Variants in INPP5F observed in about 807,000 individuals in gnomAD.
INPP5F encodes inositol polyphosphate-5-phosphatase F.
INPP5F carries 97 observed loss-of-function variants against 137.2 expected under a neutral mutation model. The observed-to-expected ratio is 0.71, with a 90% CI of 0.60 to 0.84. INPP5F has a LOEUF of 0.84. INPP5F is among the 40% of genes least tolerant of loss of function. The pLI is 0.00. For missense variants in INPP5F, 1,271 were observed against 1,371.9 expected (o/e 0.93, Z 1.16); for synonymous variants, 504 against 476.9 (o/e 1.06, Z -0.74).
At chr10:119,726,437 G>T in intron 1 of INPP5F, 78 bp downstream of exon 1, 1 of 847,752 alleles carries the variant, frequency 1.2e-6, no homozygotes, top group Non-Finnish European at 1.5e-6. Context: ...CCCCTCAGCC[G>T]GGCGGGAGGA....
intron 2 of INPP5F, among the ~76,000 whole-genome samples, chr10:119,772,706 A>C (rs1439976035): frequency 6.6e-6 from 1 of 151,932 alleles, no homozygotes; most frequent in Non-Finnish European, 1.5e-5. Flanking sequence ...TGGGAATTTA[A>C]CTTTTTTTTC....
At position 119,827,805 on chromosome 10, in the gene INPP5F, T is replaced by A. The variant is rs1490659423; in HGVS notation, c.*25T>A. ...GCTTTTAGCCATAAGAATCCTTCCA[T>A]GGCTTTTATTTAAAAATATGAAATT... On this transcript the variant is annotated 3_prime_UTR_variant, in exon 20 of 20. Coordinates refer to ENST00000650623, the MANE Select transcript of INPP5F (RefSeq NM_014937.4). The A allele has an allele frequency of 6.7e-7, 1 of 1,482,050 alleles. No individual in the cohort carries two copies. The highest frequency in any genetic ancestry group is 9.2e-7 in the Non-Finnish European group (1 of 1,088,642). 91.8% of individuals were successfully genotyped at this position (1,482,050 alleles called of 1,614,324 possible).
chr10:119,738,137 T>C (rs1848268333), intron 1 of INPP5F, among the ~76,000 whole-genome samples: 5 of 152,192 alleles, frequency 3.3e-5, no homozygotes, highest in Admixed American at 3.3e-4. Context: ...AGAGTGAAAA[T>C]GTTGACCTGA....
In INPP5F at chr10:119,805,365, C is replaced by T. The variant is rs748065722; in HGVS notation, c.1242-19C>T. On this transcript the variant is annotated intron_variant, in intron 10 of 19. Transcript: ENST00000650623. Reference sequence around the variant, plus strand: ...TGATTAAATTAAAGATTTTTTCTTTCTTTTGGCATGGATTTTAGCCGAGGA... The same window carrying T: ...TGATTAAATTAAAGATTTTTTCTTTTTTTTGGCATGGATTTTAGCCGAGGA... 5 of 1,594,022 alleles carry T rather than the reference C, an allele frequency of 3.1e-6. No homozygotes were observed. The highest frequency in any genetic ancestry group is 4.3e-6 in the Non-Finnish European group (5 of 1,165,676).
intron 2 of INPP5F, among the ~76,000 whole-genome samples, chr10:119,770,588 C>CA (rs1320869494): frequency 1.3e-5 from 2 of 152,186 alleles, no homozygotes; most frequent in Admixed American, 1.3e-4. Flanking sequence ...TATTTTGTTT[C>CA]ACCTAAGGCA....
intron 1 of INPP5F, among the ~76,000 whole-genome samples, chr10:119,749,989 G>A (rs558929802): frequency 5.8e-4 from 88 of 152,044 alleles, no homozygotes; most frequent in African/African-American, 2.0e-3. Context: ...AGCTGGTCTC[G>A]AACTCCTGAC....
chr10:119,786,291 T>A (rs1849913084), intron 3 of INPP5F, among the ~76,000 whole-genome samples: 1 of 152,210 alleles, frequency 6.6e-6, no homozygotes, highest in Non-Finnish European at 1.5e-5. Flanking sequence ...CCTAACCACA[T>A]ACCACACAGA....
chr10:119,763,000 A>G (rs894465789), intron 2 of INPP5F, among the ~76,000 whole-genome samples: 3 of 152,214 alleles, frequency 2.0e-5, no homozygotes, highest in Admixed American at 6.5e-5. Flanking sequence ...GATATGATTC[A>G]TCCTGAGGCA....
At chr10:119,796,471 A>T (rs1349838463) in intron 6 of INPP5F, among the ~76,000 whole-genome samples, 1 of 152,216 alleles carries the variant, frequency 6.6e-6, no homozygotes, top group Admixed American at 6.5e-5. Flanking sequence ...TGAGTTAATA[A>T]ATGGTGAGCT....
intron 3 of INPP5F, among the ~76,000 whole-genome samples, chr10:119,785,284 C>CTTTTTTTTTTTTTTTTTTTTTTTTTT (rs1440327192): frequency 1.2e-5 from 1 of 81,600 alleles, no homozygotes; most frequent in Non-Finnish European, 2.7e-5. Flanking sequence ...AACTGCCAGA[C>CTTTTTTTTTTTTTTTTTTTTTTTTTT]TGTTTTTTTT....
At chr10:119,759,754 C>T (rs772043778) in intron 2 of INPP5F, among the ~76,000 whole-genome samples, 2 of 152,186 alleles carry the variant, frequency 1.3e-5, no homozygotes, top group African/African-American at 2.4e-5. Context: ...AGACTTGAGT[C>T]TTGGAAGCAG....
At chr10:119,765,677 C>T (rs769175182) in intron 2 of INPP5F, among the ~76,000 whole-genome samples, 17 of 150,598 alleles carry the variant, frequency 1.1e-4, no homozygotes, top group Non-Finnish European at 1.6e-4. Context: ...CCACTGTGCC[C>T]AGCCAAAAGT....
At chr10:119,790,414 A>G (rs753431867) in intron 3 of INPP5F, among the ~76,000 whole-genome samples, 8 of 152,174 alleles carry the variant, frequency 5.3e-5, no homozygotes, top group Non-Finnish European at 7.3e-5. Flanking sequence ...TTAAAGCTGT[A>G]ATCATGGTGT....
intron 2 of INPP5F, among the ~76,000 whole-genome samples, chr10:119,761,527 G>A (rs1849008656): frequency 6.6e-6 from 1 of 151,236 alleles, no homozygotes; most frequent in African/African-American, 2.4e-5. Context: ...ATATAATCAG[G>A]GATATATGGT....
At chr10:119,772,989 C>T (rs926659019) in intron 2 of INPP5F, among the ~76,000 whole-genome samples, 4 of 152,086 alleles carry the variant, frequency 2.6e-5, no homozygotes, top group African/African-American at 9.6e-5. Flanking sequence ...ACCTCGTGAT[C>T]CGCTTGCCTT....
intron 5 of INPP5F, 46 bp downstream of exon 5, chr10:119,792,082 T>C: frequency 6.2e-7 from 1 of 1,614,122 alleles, no homozygotes; most frequent in Non-Finnish European, 8.5e-7. Context: ...TGGGAAGAAG[T>C]GATGGCCTGT....
intron 3 of INPP5F, 120 bp downstream of exon 3, chr10:119,781,891 A>C: frequency 1.2e-6 from 1 of 819,268 alleles, no homozygotes. Context: ...TTTTAAAATA[A>C]TTTAATCCTA....
chr10:119,744,278 C>T (rs559096042), intron 1 of INPP5F, among the ~76,000 whole-genome samples: 1 of 152,268 alleles, frequency 6.6e-6, no homozygotes, highest in East Asian at 1.9e-4. Flanking sequence ...TTGTCAAATT[C>T]CTTTCCCACA....
At chr10:119,810,073 AT>A in intron 13 of INPP5F, 26 bp from the exon 14 acceptor site, 1 of 1,285,872 alleles carries the variant, frequency 7.8e-7, no homozygotes, top group Non-Finnish European at 1.1e-6. Flanking sequence ...TTTAAATAAG[AT>A]GTCAAAATCA....
Sources: allele counts gnomAD v4.1 joint callset (sites outside exome capture counted in the v4.1 genomes callset), GRCh38; gene constraint gnomAD v4.1.1; transcripts MANE v1.5; gene names NCBI Gene and HGNC (gene_info 2026-07-23, HGNC 2026-07-21).